GDF11: variants seen among roughly 807,000 people sequenced by gnomAD.
The protein encoded by GDF11 is growth differentiation factor 11, also known as growth/differentiation factor 11.
A neutral mutation model predicts 34.4 loss-of-function variants in GDF11; 12 were observed. The ratio of observed to expected loss-of-function variants is 0.35; its 90% confidence interval spans 0.22 to 0.57. The LOEUF (loss-of-function observed/expected upper bound fraction) is 0.57. Among genes scored for constraint, GDF11 ranks in the 20% least tolerant of loss-of-function variants. The pLI is 0.86. For synonymous variants in GDF11, 212 were observed against 231.1 expected (o/e 0.92, Z 0.75); for missense variants, 346 against 548.2 (o/e 0.63, Z 3.68).
intron 1 of GDF11, among the ~76,000 whole-genome samples, chr12:55,746,352 C>A (rs1878185606): frequency 6.6e-6 from 1 of 152,214 alleles, no homozygotes; most frequent in Non-Finnish European, 1.5e-5. Flanking sequence ...TCAGGATTCT[C>A]AAACTCTCAA....
In GDF11 at chr12:55,747,170, C is replaced by T. The variant is rs147965143; in HGVS notation, c.446-1416C>T. Among the ~76,000 whole-genome samples, 99 of 152,234 alleles carry T rather than the reference C, an allele frequency of 6.5e-4. 2 individuals carry two copies. Among genetic ancestry groups the T allele is most frequent in the Admixed American group, 1.1e-3 (17 of 15,280 alleles). ...CTCACTAGTAGCTTCCCTATCCCAGCTACTTCTGATCTCTGAATTCTCACC... is the reference window on the plus strand; with the variant it reads ...CTCACTAGTAGCTTCCCTATCCCAGTTACTTCTGATCTCTGAATTCTCACC... On this transcript the variant is annotated intron_variant, in intron 1 of 2. Coordinates refer to ENST00000257868, the MANE Select transcript of GDF11 (RefSeq NM_005811.5).
rs1261047076 is a variant in GDF11 at position 55,756,237 on chromosome 12, A to C, written c.*6355A>C. The C allele has an allele frequency of 6.6e-6, 1 of 152,220 alleles. No individual in the cohort carries two copies. The highest frequency in any genetic ancestry group is 2.4e-5 in the African/African-American group (1 of 41,458). 9.4% of individuals were successfully genotyped at this position (152,220 alleles called of 1,614,324 possible). A position where few individuals can be genotyped will look rare whatever the true frequency, so the allele number is the denominator to read the frequency against. ...TTGGTTGAAGAGGTGTCAAAAATTTAACCAGCATTCCCTTTTGTTCACTTC... is the reference window on the plus strand; with the variant it reads ...TTGGTTGAAGAGGTGTCAAAAATTTCACCAGCATTCCCTTTTGTTCACTTC... On this transcript the variant is annotated 3_prime_UTR_variant, in exon 3 of 3. Transcript: ENST00000257868.
chr12:55,747,747 A>G (rs1473826236), intron 1 of GDF11, among the ~76,000 whole-genome samples: 1 of 152,236 alleles, frequency 6.6e-6, no homozygotes, highest in Admixed American at 6.5e-5. Flanking sequence ...GTAAAGACCT[A>G]CTGGCACTAG....
chr12:55,754,251 A>G lies in GDF11; in HGVS notation c.*4369A>G, dbSNP rs1878432770. The G allele has an allele frequency of 6.6e-6, 1 of 152,198 alleles. No individual in the cohort carries two copies. Among genetic ancestry groups the G allele is most frequent in the Non-Finnish European group, 1.5e-5 (1 of 68,036 alleles). The allele number at this position is 152,198 out of a possible 1,614,324, so 9.4% of individuals were successfully genotyped here. ...TCTCCCTGTGGCTCATTTGTTTCCTATATTGAGAGAACACCCAAAAAAAGA... is the reference window on the plus strand; with the variant it reads ...TCTCCCTGTGGCTCATTTGTTTCCTGTATTGAGAGAACACCCAAAAAAAGA... On this transcript the variant is annotated 3_prime_UTR_variant, in exon 3 of 3. Coordinates refer to ENST00000257868, the MANE Select transcript of GDF11 (RefSeq NM_005811.5).
intron 1 of GDF11, among the ~76,000 whole-genome samples, chr12:55,746,243 C>A (rs11829536): frequency 0.062 from 9,374 of 152,174 alleles, 394 homozygotes; most frequent in East Asian, 0.11. Flanking sequence ...TCAGTCTGTA[C>A]CCTTTCTATC....
chr12:55,745,275 T>G (rs768832059), intron 1 of GDF11, among the ~76,000 whole-genome samples: 1 of 152,010 alleles, frequency 6.6e-6, no homozygotes, highest in Non-Finnish European at 1.5e-5. Flanking sequence ...ATTTCCAGGA[T>G]GGGTGATGGG....
At chr12:55,744,157 A>T (rs1180856796) in intron 1 of GDF11, among the ~76,000 whole-genome samples, 1 of 152,174 alleles carries the variant, frequency 6.6e-6, no homozygotes, top group Non-Finnish European at 1.5e-5. Flanking sequence ...GCTGGACTGC[A>T]GTGCTCTCTG....
At position 55,743,325 on chromosome 12, in the gene GDF11, C is replaced by T. The variant is rs1878100468; in HGVS notation, c.9C>T (p.Leu3=). 3.0e-6 allele frequency: 3 copies of T among 983,636 alleles called. No individual in the cohort carries two copies. The highest frequency in any genetic ancestry group is 3.6e-6 in the Non-Finnish European group (3 of 830,102). The allele number at this position is 983,636 out of a possible 1,614,324, so 60.9% of individuals were successfully genotyped here. ...CTCCCCTCCCCTCCAGCATGGTGCT[C>T]GCGGCCCCGCTGCTGCTGGGCTTCC... The part of the protein sequence containing the change: MV[L]AAPLLLGFLL... Residue 3 remains leucine (L), a synonymous_variant, in exon 1 of 3, where the codon CTC becomes CTT. Coordinates refer to ENST00000257868, the MANE Select transcript of GDF11 (RefSeq NM_005811.5).
rs927228935 is a variant in GDF11, at chr12:55,751,133, T to C, written c.*1251T>C. 1 of 152,184 alleles carries C rather than the reference T, an allele frequency of 6.6e-6. No homozygotes were observed. The highest frequency in any genetic ancestry group is 1.5e-5 in the Non-Finnish European group (1 of 68,082). The allele number at this position is 152,184 out of a possible 1,614,324, so 9.4% of individuals were successfully genotyped here. ...GGGAAGGATTCTGGAAGGGGGACAT[T>C]TTAGTCTCCTAACCCCAAAGCTCAG... On this transcript the variant is annotated 3_prime_UTR_variant, in exon 3 of 3. Coordinates refer to ENST00000257868, the MANE Select transcript of GDF11 (RefSeq NM_005811.5).
Position 55,751,650 on chromosome 12 carries a change from G to C in GDF11, c.*1768G>C, listed in dbSNP as rs955628007. ...CTGCCTCCCAGCTGGACAGTGCCTA[G>C]AAGCCAAGGAGTTGAGAATCTCCTG... On this transcript the variant is annotated 3_prime_UTR_variant, in exon 3 of 3. Transcript: ENST00000257868. The C allele has an allele frequency of 2.4e-4, 36 of 152,054 alleles. No individual in the cohort carries two copies. The highest frequency in any genetic ancestry group is 7.7e-4 in the African/African-American group (32 of 41,360). The allele number at this position is 152,054 out of a possible 1,614,324, so 9.4% of individuals were successfully genotyped here. A position where few individuals can be genotyped will look rare whatever the true frequency, so the allele number is the denominator to read the frequency against.
intron 1 of GDF11, among the ~76,000 whole-genome samples, chr12:55,745,605 G>A (rs1273455726): frequency 6.6e-6 from 1 of 151,546 alleles, no homozygotes; most frequent in Non-Finnish European, 1.5e-5. Flanking sequence ...GGGAGGGAGA[G>A]AGGGGAAAAG....
In GDF11 at chr12:55,749,938, GC is replaced by G; in HGVS notation, c.*61del. 5 of 1,458,676 alleles carry G rather than the reference GC, an allele frequency of 3.4e-6. No individual in the cohort carries two copies. The South Asian group carries it at 6.3e-5, about 18-fold the overall frequency. The allele number at this position is 1,458,676 out of a possible 1,614,324, so 90.4% of individuals were successfully genotyped here. A position where few individuals can be genotyped will look rare whatever the true frequency, so the allele number is the denominator to read the frequency against. On this transcript the variant is annotated 3_prime_UTR_variant, in exon 3 of 3. Coordinates refer to ENST00000257868, the MANE Select transcript of GDF11 (RefSeq NM_005811.5). The surrounding 1 kb of genome is among the most constrained non-coding windows in gnomAD (Gnocchi z 5.6). ...ACCCTACCCCAAGACCCCTAGCCCTGCCCCCATCCCCCCAAGCCCTAGAGCT... is the reference window on the plus strand; with the variant it reads ...ACCCTACCCCAAGACCCCTAGCCCTGCCCCATCCCCCCAAGCCCTAGAGCT...
In GDF11 at chr12:55,756,430, C is replaced by CAA. The variant is rs1381235796; in HGVS notation, c.*6550_*6551dup. ...GATATCTTGACATTAGAAAGGTGAT[C>CAA]AAACTATTACCATTTCATTAAGCAC... On this transcript the variant is annotated 3_prime_UTR_variant, in exon 3 of 3. Transcript: ENST00000257868. 6.6e-6 allele frequency: 1 copy of CAA among 152,120 alleles called. No individual in the cohort carries two copies. Among genetic ancestry groups the CAA allele is most frequent in the Admixed American group, 6.5e-5 (1 of 15,274 alleles). 9.4% of individuals were successfully genotyped at this position (152,120 alleles called of 1,614,324 possible).
chr12:55,748,977 G>C lies in GDF11; in HGVS notation c.837G>C (p.Glu279Asp), dbSNP rs746927725. The change falls in exon 2 of 3, where the codon GAG (glutamate) becomes GAC (aspartate). Residue 279 changes from glutamate (E) to aspartate (D), a missense_variant. Transcript: ENST00000257868. The surrounding 1 kb of genome is among the most constrained non-coding windows in gnomAD (Gnocchi z 5.6). ...TCACCTCCCTGGGGCCGGGAGCCGA[G>C]GGGCTGGTGAGCAGGGGGCCTGAGG... ...LAVTSLGPGA[E>D]GLHPFMELRV... 1 of 1,596,848 alleles carries C rather than the reference G, an allele frequency of 6.3e-7. No homozygotes were observed. The highest frequency in any genetic ancestry group is 8.5e-7 in the Non-Finnish European group (1 of 1,178,288).
rs1190766633 is a variant in GDF11 at position 55,748,914 on chromosome 12, G to A, written c.774G>A (p.Glu258=). 1 of 1,606,634 alleles carries A rather than the reference G, an allele frequency of 6.2e-7. No homozygotes were observed. Among genetic ancestry groups the A allele is most frequent in the Non-Finnish European group, 8.5e-7 (1 of 1,179,902 alleles). ...AGCCACAGAGCAACTGGGGCATCGAGATCAACGCCTTTGATCCCAGTGGCA... is the reference window on the plus strand; with the variant it reads ...AGCCACAGAGCAACTGGGGCATCGAAATCAACGCCTTTGATCCCAGTGGCA... ...FRQPQSNWGI[E]INAFDPSGTD... is the part of the protein sequence containing the mutation. The change falls in exon 2 of 3, where the codon GAG becomes GAA. Residue 258 remains glutamate, a synonymous_variant. Coordinates refer to ENST00000257868, the MANE Select transcript of GDF11 (RefSeq NM_005811.5). This position sits in a 1 kb window ranked among gnomAD's most constrained non-coding sequence, Gnocchi z 5.6.
rs1190051053 is a variant in GDF11 at position 55,750,719 on chromosome 12, T to C, written c.*837T>C. The C allele has an allele frequency of 6.6e-6, 1 of 152,130 alleles. No homozygotes were observed. The highest frequency in any genetic ancestry group is 6.6e-5 in the Admixed American group (1 of 15,262). The allele number at this position is 152,130 out of a possible 1,614,324, so 9.4% of individuals were successfully genotyped here. On this transcript the variant is annotated 3_prime_UTR_variant, in exon 3 of 3. Coordinates refer to ENST00000257868, the MANE Select transcript of GDF11 (RefSeq NM_005811.5). ...GCCAAATGGCTTGAATTGAAGCCAG[T>C]TGTCATGGAAATAGTAAGAGGTTAG...
In GDF11 at chr12:55,756,990, TCCC is replaced by T. The variant is rs1878524916; in HGVS notation, c.*7109_*7111del. The T allele has an allele frequency of 6.6e-6, 1 of 152,196 alleles. No homozygotes were observed. Among genetic ancestry groups the T allele is most frequent in the African/African-American group, 2.4e-5 (1 of 41,438 alleles). The allele number at this position is 152,196 out of a possible 1,614,324, so 9.4% of individuals were successfully genotyped here. On this transcript the variant is annotated 3_prime_UTR_variant, in exon 3 of 3. Coordinates refer to ENST00000257868, the MANE Select transcript of GDF11 (RefSeq NM_005811.5). ...TATATCCTTTGCAACACCTAAAACCTCCCATGTTCTGTTTTATTTCAGTGGGTC... is the reference window on the plus strand; with the variant it reads ...TATATCCTTTGCAACACCTAAAACCTATGTTCTGTTTTATTTCAGTGGGTC...
In GDF11 at chr12:55,754,414, T is replaced by G. The variant is rs986124322; in HGVS notation, c.*4532T>G. On this transcript the variant is annotated 3_prime_UTR_variant, in exon 3 of 3. Transcript: ENST00000257868. ...CCCCAAGCTAAGAATCAGCAGGCAG[T>G]GGCATCTACAGCTTCTGGTCTGTAG... is the stretch of plus-strand genomic sequence containing the variant. 6.6e-5 allele frequency: 10 copies of G among 152,358 alleles called. No homozygotes were observed. Among genetic ancestry groups the G allele is most frequent in the African/African-American group, 2.4e-4 (10 of 41,588 alleles). The allele number at this position is 152,358 out of a possible 1,614,324, so 9.4% of individuals were successfully genotyped here.
At position 55,751,637 on chromosome 12, in the gene GDF11, T is replaced by G. The variant is rs981207134; in HGVS notation, c.*1755T>G. The G allele has an allele frequency of 6.6e-6, 1 of 152,226 alleles. No individual in the cohort carries two copies. The highest frequency in any genetic ancestry group is 1.5e-5 in the Non-Finnish European group (1 of 68,062). The allele number at this position is 152,226 out of a possible 1,614,324, so 9.4% of individuals were successfully genotyped here. On this transcript the variant is annotated 3_prime_UTR_variant, in exon 3 of 3. Transcript: ENST00000257868. ...TACAAGTTCCCCTCTGCCTCCCAGC[T>G]GGACAGTGCCTAGAAGCCAAGGAGT...
Sources: gnomAD v4.1 joint callset for allele counts (sites outside exome capture counted in the v4.1 genomes callset) on GRCh38, gnomAD v4.1.1 for gene constraint, Gnocchi (gnomAD v3.1) non-coding constraint, MANE v1.5 for transcripts, NCBI Gene and HGNC (gene_info 2026-07-23, HGNC 2026-07-21) for gene names.